GRXCR2: variants seen among roughly 807,000 people sequenced by gnomAD.
The protein encoded by GRXCR2 is glutaredoxin and cysteine rich domain containing 2, also known as glutaredoxin domain-containing cysteine-rich protein 2.
A neutral mutation model predicts 24.8 loss-of-function variants in GRXCR2; 23 were observed. The ratio of observed to expected loss-of-function variants is 0.93; its 90% CI spans 0.67 to 1.32. The LOEUF (loss-of-function observed/expected upper bound fraction) is 1.32. Among genes scored for constraint, GRXCR2 ranks in the 40% most tolerant of loss-of-function variants. The pLI, the probability that GRXCR2 is intolerant of heterozygous loss-of-function variation, is 0.00. For missense variants in GRXCR2, 315 were observed against 303.4 expected, an observed-to-expected ratio of 1.04 and a Z score of -0.28; for synonymous variants, 130 against 116.1, an observed-to-expected ratio of 1.12 and a Z score of -0.77.
chr5:145,863,732 A>G (rs1008292583), intron 2 of GRXCR2, among the ~76,000 whole-genome samples: 1 of 152,132 alleles, frequency 6.6e-6, no homozygotes, highest in Admixed American at 6.6e-5. Flanking sequence ...TCCTGGGCTC[A>G]AGGGATCTTC....
intron 2 of GRXCR2, among the ~76,000 whole-genome samples, chr5:145,889,221 AAAGAAAGAAAGAAAG>A (rs1756825891): frequency 1.3e-5 from 2 of 151,442 alleles, no homozygotes; most frequent in Non-Finnish European, 2.9e-5. Context: ...AGAAAGAAAG[AAAGAAAGAAAGAAAG>A]AAAGAAAGAA....
In GRXCR2 at chr5:145,898,993, A is replaced by T. The variant is rs376117505; in HGVS notation, c.-69-32265T>A. Reference sequence around the variant, plus strand: ...ATTATCTCTTTTTGTGGACAATACAATTCTAGACCTTGAAAATCCTAAAGA... The same window carrying T: ...ATTATCTCTTTTTGTGGACAATACATTTCTAGACCTTGAAAATCCTAAAGA... On this transcript the variant is annotated intron_variant, in intron 2 of 3. Transcript: ENST00000639411. Among the ~76,000 whole-genome samples the T allele has an allele frequency of 5.6e-4, 86 of 152,266 alleles. 3 individuals carry two copies. The South Asian group carries it at 0.017, about 30-fold the overall frequency.
intron 2 of GRXCR2, among the ~76,000 whole-genome samples, chr5:145,910,874 A>G (rs11167916): frequency 0.54 from 82,600 of 151,862 alleles, 24,020 homozygotes; most frequent in East Asian, 0.76. Context: ...GTGCATGCAC[A>G]CACATGTGTG....
chr5:145,877,850 G>A (rs1241076586), upstream of GRXCR2, among the ~76,000 whole-genome samples: 4 of 152,202 alleles, frequency 2.6e-5, no homozygotes, highest in Non-Finnish European at 5.9e-5. Flanking sequence ...AATATTTGCT[G>A]TTCTGCAATC....
At chr5:145,892,610 C>T (rs1052634633) in intron 2 of GRXCR2, among the ~76,000 whole-genome samples, 4 of 152,126 alleles carry the variant, frequency 2.6e-5, no homozygotes, top group Non-Finnish European at 5.9e-5. Flanking sequence ...TGAACAAAGC[C>T]TCCAAGAAAT....
chr5:145,868,685 C>T (rs1756474641), intron 1 of GRXCR2, among the ~76,000 whole-genome samples: 1 of 152,082 alleles, frequency 6.6e-6, no homozygotes, highest in Admixed American at 6.5e-5. Context: ...CAAGACAAAA[C>T]TCTCAATACG....
chr5:145,866,511 C>A lies in GRXCR2; in HGVS notation c.554G>T (p.Arg185Leu). ...AGCTCCCCAACGCACCTGTGTATACCGGTTTTGGGGTAATGTGCTTTCTGC... is the reference window on the plus strand; with the variant it reads ...AGCTCCCCAACGCACCTGTGTATACAGGTTTTGGGGTAATGTGCTTTCTGC... ...VEAESTLPQN[R>L]YTQEGDIPED... The change falls in exon 2 of 3, where the codon CGG (arginine) becomes CTG (leucine). Residue 185 changes from arginine (R) to leucine (L), a missense_variant. Transcript: ENST00000377976. 6.2e-7 allele frequency: 1 copy of A among 1,613,036 alleles called. No individual in the cohort carries two copies.
At chr5:145,860,601 C>A (rs917787132) in intron 2 of GRXCR2, among the ~76,000 whole-genome samples, 10 of 152,160 alleles carry the variant, frequency 6.6e-5, no homozygotes, top group Non-Finnish European at 1.5e-4. Context: ...ATAAATGTTA[C>A]AATCCTTCAA....
At chr5:145,909,517 G>T (rs1285285847) in intron 2 of GRXCR2, among the ~76,000 whole-genome samples, 1 of 152,146 alleles carries the variant, frequency 6.6e-6, no homozygotes, top group Non-Finnish European at 1.5e-5. Context: ...AACTAAAGCA[G>T]TCTCTATTGC....
At chr5:145,858,394 C>A (rs545435394), downstream of GRXCR2, 1 of 150,772 alleles carries the variant, frequency 6.6e-6, no homozygotes, top group South Asian at 2.1e-4. Flanking sequence ...GAAGAGCCAA[C>A]AGCTGTGAGA....
intron 2 of GRXCR2, among the ~76,000 whole-genome samples, chr5:145,902,587 A>C (rs185094382): frequency 1.4e-4 from 21 of 152,310 alleles, no homozygotes; most frequent in Admixed American, 3.3e-4. Context: ...CAAACCAACC[A>C]GAGGGGGTAG....
chr5:145,921,242 C>A (rs1757317092), intron 2 of GRXCR2, among the ~76,000 whole-genome samples: 1 of 152,120 alleles, frequency 6.6e-6, no homozygotes, highest in Non-Finnish European at 1.5e-5. Flanking sequence ...CTTTAAAGAC[C>A]TCACAGCCTC....
chr5:145,899,360 T>A (rs1484292284), intron 2 of GRXCR2, among the ~76,000 whole-genome samples: 1 of 152,012 alleles, frequency 6.6e-6, no homozygotes, highest in Admixed American at 6.6e-5. Context: ...TCAACACTAT[T>A]TATAACAAAC....
In GRXCR2 at chr5:145,859,232, T is replaced by A. The variant is rs1418201213; in HGVS notation, c.*501A>T. 1 of 158,180 alleles carries A rather than the reference T, an allele frequency of 6.3e-6. No individual in the cohort carries two copies. Among genetic ancestry groups the A allele is most frequent in the African/African-American group, 2.4e-5 (1 of 41,482 alleles). 9.8% of individuals were successfully genotyped at this position (158,180 alleles called of 1,614,324 possible). On this transcript the variant is annotated 3_prime_UTR_variant, in exon 3 of 3. Transcript: ENST00000377976. Reference sequence around the variant, plus strand: ...ACATCCCATTTTGCTTGCTGTGGCCTGCTAGTGCGTTCAGCGTTGGCTGTC... The same window carrying A: ...ACATCCCATTTTGCTTGCTGTGGCCAGCTAGTGCGTTCAGCGTTGGCTGTC...
At chr5:145,866,267 AGTC>A (rs927470494) in intron 2 of GRXCR2, among the ~76,000 whole-genome samples, 1 of 152,262 alleles carries the variant, frequency 6.6e-6, no homozygotes, top group African/African-American at 2.4e-5. Context: ...TCTAAAAAGA[AGTC>A]AGCCAAAAAA....
intron 2 of GRXCR2, among the ~76,000 whole-genome samples, chr5:145,904,628 A>C (rs1461736462): frequency 6.6e-6 from 1 of 152,260 alleles, no homozygotes; most frequent in Non-Finnish European, 1.5e-5. Flanking sequence ...AAGACCCCAC[A>C]GTCACAGCCA....
upstream of GRXCR2, among the ~76,000 whole-genome samples, chr5:145,874,685 G>A (rs1756586044): frequency 6.6e-6 from 1 of 152,194 alleles, no homozygotes; most frequent in African/African-American, 2.4e-5. Context: ...AAATCCACAG[G>A]TGTCAGTCTC....
chr5:145,910,930 C>A (rs924333730), intron 2 of GRXCR2, among the ~76,000 whole-genome samples: 1 of 151,964 alleles, frequency 6.6e-6, no homozygotes, highest in African/African-American at 2.4e-5. Context: ...GACGCCAAGG[C>A]CCTGAAAAGT....
At chr5:145,896,804 G>A (rs368498756) in intron 2 of GRXCR2, among the ~76,000 whole-genome samples, 2 of 151,932 alleles carry the variant, frequency 1.3e-5, no homozygotes, top group Admixed American at 6.6e-5. Context: ...AAAGGATTAT[G>A]AATCATGCTG....
Sources: gnomAD v4.1 joint callset for allele counts (sites outside exome capture counted in the v4.1 genomes callset) on GRCh38, gnomAD v4.1.1 for gene constraint, MANE v1.5 for transcripts, NCBI Gene and HGNC (gene_info 2026-07-23, HGNC 2026-07-21) for gene names.